Variants in ACYP2 observed in about 807,000 individuals in gnomAD.
ACYP2 encodes the protein acylphosphatase 2, also known as acylphosphatase-2.
ACYP2 carries 12 observed loss-of-function variants against 11.2 expected under a neutral mutation model. That is an observed-to-expected ratio of 1.08 (90% CI 0.69 to 1.74). The LOEUF is 1.74. ACYP2 is among the 40% of genes most tolerant of loss of function. ACYP2 has a pLI of 0.00. For synonymous variants in ACYP2, 43 were observed against 32.2 expected, an observed-to-expected ratio of 1.33 and a Z score of -1.13; for missense variants, 134 against 101.9, an observed-to-expected ratio of 1.31 and a Z score of -1.35.
chr2:54,257,236 A>C (rs1347788274), intron 6 of ACYP2, among the ~76,000 whole-genome samples: 1 of 152,200 alleles, frequency 6.6e-6, no homozygotes, highest in Non-Finnish European at 1.5e-5. Flanking sequence ...AAAAAGAGGA[A>C]TCTTATCTCA....
chr2:54,037,475 A>G (rs1674967983), intron 2 of ACYP2, among the ~76,000 whole-genome samples: 2 of 152,100 alleles, frequency 1.3e-5, no homozygotes, highest in Admixed American at 1.3e-4. Flanking sequence ...CAGTGGCACA[A>G]TCACGGCCCA....
At chr2:54,028,294 T>C (rs541714736) in intron 2 of ACYP2, among the ~76,000 whole-genome samples, 2 of 152,296 alleles carry the variant, frequency 1.3e-5, no homozygotes, top group African/African-American at 4.8e-5. Flanking sequence ...TTCTTATTAT[T>C]AGACTGGGTT....
At chr2:54,248,837 A>G (rs1687077644) in intron 6 of ACYP2, among the ~76,000 whole-genome samples, 1 of 152,234 alleles carries the variant, frequency 6.6e-6, no homozygotes, top group African/African-American at 2.4e-5. Flanking sequence ...TCTACAGAGT[A>G]TATGCTACAA....
At chr2:54,258,952 C>CGCAA (rs921271021) in intron 6 of ACYP2, among the ~76,000 whole-genome samples, 4 of 152,224 alleles carry the variant, frequency 2.6e-5, no homozygotes, top group Non-Finnish European at 1.5e-5. Flanking sequence ...GAGAGGCTGA[C>CGCAA]TTGCATTATA....
intron 2 of ACYP2, among the ~76,000 whole-genome samples, chr2:53,991,764 C>A (rs1309413011): frequency 6.6e-6 from 1 of 152,022 alleles, no homozygotes; most frequent in Non-Finnish European, 1.5e-5. Flanking sequence ...CTCCGACCTT[C>A]TCTCAATTTT....
chr2:54,232,074 T>A (rs1727506), intron 6 of ACYP2, among the ~76,000 whole-genome samples: 5 of 152,006 alleles, frequency 3.3e-5, no homozygotes, highest in African/African-American at 1.2e-4. Context: ...ACCATATTAG[T>A]TAGGAGGCTG....
At chr2:54,247,048 C>T (rs1686986478) in intron 6 of ACYP2, among the ~76,000 whole-genome samples, 1 of 152,152 alleles carries the variant, frequency 6.6e-6, no homozygotes, top group Admixed American at 6.5e-5. Flanking sequence ...TATTCCCTGC[C>T]CCAAAGTCCT....
At chr2:54,258,690 A>C (rs1254107588) in intron 6 of ACYP2, among the ~76,000 whole-genome samples, 2 of 152,282 alleles carry the variant, frequency 1.3e-5, no homozygotes, top group Middle Eastern at 3.4e-3. Context: ...TTCTCAGACC[A>C]GGTGGCAGCA....
chr2:54,079,650 A>C (rs534415176), intron 4 of ACYP2, among the ~76,000 whole-genome samples: 2 of 152,238 alleles, frequency 1.3e-5, no homozygotes, highest in Non-Finnish European at 2.9e-5. Context: ...TGTTGAGTCC[A>C]TATCAAGTGA....
intron 6 of ACYP2, among the ~76,000 whole-genome samples, chr2:54,244,090 T>C (rs1686845156): frequency 6.6e-6 from 1 of 152,188 alleles, no homozygotes; most frequent in Admixed American, 6.6e-5. Context: ...TTACCTGGTA[T>C]ATAGTATGAG....
At chr2:54,005,277 A>G (rs192656511) in intron 2 of ACYP2, among the ~76,000 whole-genome samples, 2 of 150,538 alleles carry the variant, frequency 1.3e-5, no homozygotes, top group Admixed American at 6.6e-5. Context: ...AAAAGACTAT[A>G]TTTTCTCCAT....
intron 6 of ACYP2, among the ~76,000 whole-genome samples, chr2:54,188,912 C>T (rs533644529): frequency 1.3e-5 from 2 of 152,288 alleles, no homozygotes; most frequent in African/African-American, 4.8e-5. Context: ...CAAACAGCCC[C>T]TCCGCTCGTA....
chr2:54,070,142 T>G (rs1676957706), intron 4 of ACYP2, among the ~76,000 whole-genome samples: 1 of 151,926 alleles, frequency 6.6e-6, no homozygotes, highest in Non-Finnish European at 1.5e-5. Context: ...TGGTGGCACA[T>G]GCCTGTAATC....
chr2:54,210,299 C>T (rs1044689289), intron 6 of ACYP2, among the ~76,000 whole-genome samples: 3 of 152,036 alleles, frequency 2.0e-5, no homozygotes, highest in African/African-American at 7.2e-5. Flanking sequence ...AATCCCTGGA[C>T]TTCCAATGTT....
rs529029159 is a variant in ACYP2, at chr2:54,171,364, C to A, written c.404+32616C>A. 2.6e-5 allele frequency among the ~76,000 whole-genome samples: 4 copies of A among 152,286 alleles called. No individual in the cohort carries two copies. The South Asian group carries it at 6.2e-4, about 24-fold the overall frequency. On this transcript the variant is annotated intron_variant, in intron 6 of 6. Transcript: ENST00000607452. ...TATGGGAATGTTATCGGGGGGCGAG[C>A]TGTTACCCATCCACTAAGAGCCCTA...
At chr2:54,165,181 A>G (rs1335153930) in intron 6 of ACYP2, among the ~76,000 whole-genome samples, 1 of 151,946 alleles carries the variant, frequency 6.6e-6, no homozygotes, top group Non-Finnish European at 1.5e-5. Flanking sequence ...TTTCTAACTA[A>G]CCATCTTGGA....
chr2:54,255,529 A>T (rs1687459879), intron 6 of ACYP2: 1 of 1,603,488 alleles, frequency 6.2e-7, no homozygotes, highest in African/African-American at 1.3e-5. Flanking sequence ...TTCCAGCTGG[A>T]TGGACTCCAG....
chr2:54,258,719 C>T (rs1040130961), intron 6 of ACYP2, among the ~76,000 whole-genome samples: 1 of 152,070 alleles, frequency 6.6e-6, no homozygotes, highest in Non-Finnish European at 1.5e-5. Flanking sequence ...GGATGGTGGA[C>T]ATAGTATGAT....
chr2:54,191,596 C>A (rs1343101349), intron 6 of ACYP2, among the ~76,000 whole-genome samples: 2 of 151,854 alleles, frequency 1.3e-5, no homozygotes, highest in Non-Finnish European at 2.9e-5. Context: ...TACCTATATA[C>A]AGTCCTTAAG....
Sources: gnomAD v4.1 joint callset for allele counts (sites outside exome capture counted in the v4.1 genomes callset) on GRCh38, gnomAD v4.1.1 for gene constraint, MANE v1.5 for transcripts, NCBI Gene and HGNC (gene_info 2026-07-23, HGNC 2026-07-21) for gene names.